BRINP3: variants seen among roughly 807,000 people sequenced by gnomAD.
BRINP3 encodes BMP/retinoic acid inducible neural specific 3, also known as BMP/retinoic acid-inducible neural-specific protein 3.
In BRINP3, 19 loss-of-function variants were observed where a neutral mutation model predicts 71.0. The observed-to-expected ratio is 0.27, with a 90% CI of 0.19 to 0.39. The LOEUF (loss-of-function observed/expected upper bound fraction) is 0.39, where lower values mean the gene tolerates loss of function less well. BRINP3 is among the 10% of genes least tolerant of loss of function. The pLI is 1.00. For missense variants in BRINP3, 959 were observed against 940.8 expected (o/e 1.02, Z -0.25); for synonymous variants, 380 against 337.7 (o/e 1.13, Z -1.37).
intron 6 of BRINP3, among the ~76,000 whole-genome samples, chr1:190,184,886 A>G (rs1653372956): frequency 6.6e-6 from 1 of 152,140 alleles, no homozygotes; most frequent in Admixed American, 6.6e-5. Flanking sequence ...TCTTAATCTA[A>G]AGTAAAAGTA....
intron 2 of BRINP3, among the ~76,000 whole-genome samples, chr1:190,314,316 T>C (rs2103033045): frequency 6.6e-6 from 1 of 152,176 alleles, no homozygotes; most frequent in East Asian, 1.9e-4. Flanking sequence ...ATAATTGCCT[T>C]CCCCAAAATG....
chr1:190,403,837 T>C (rs1672094678), intron 2 of BRINP3, among the ~76,000 whole-genome samples: 1 of 152,202 alleles, frequency 6.6e-6, no homozygotes, highest in Admixed American at 6.5e-5. Context: ...TTCGAATAAC[T>C]TTTCATTCCT....
intron 2 of BRINP3, among the ~76,000 whole-genome samples, chr1:190,404,462 C>T (rs962917913): frequency 1.3e-5 from 2 of 152,032 alleles, no homozygotes; most frequent in East Asian, 1.9e-4. Context: ...ATGCTCACGA[C>T]GTGTTATTTA....
At chr1:190,164,500 A>G (rs1651304427) in intron 6 of BRINP3, among the ~76,000 whole-genome samples, 2 of 152,124 alleles carry the variant, frequency 1.3e-5, no homozygotes, top group Admixed American at 1.3e-4. Flanking sequence ...TACAATTTAT[A>G]TTAATATTGT....
chr1:190,450,860 T>C (rs1675558956), intron 2 of BRINP3, among the ~76,000 whole-genome samples: 1 of 152,176 alleles, frequency 6.6e-6, no homozygotes, highest in African/African-American at 2.4e-5. Flanking sequence ...TTCCCACACA[T>C]GATTTCATTA....
intron 2 of BRINP3, among the ~76,000 whole-genome samples, chr1:190,339,380 C>T (rs536770119): frequency 1.5e-3 from 231 of 152,058 alleles, no homozygotes; most frequent in Non-Finnish European, 2.9e-3. Context: ...ATTGAGAACT[C>T]TTACACATCT....
chr1:190,336,699 C>T (rs1667302969), intron 2 of BRINP3, among the ~76,000 whole-genome samples: 2 of 152,006 alleles, frequency 1.3e-5, no homozygotes, highest in Non-Finnish European at 2.9e-5. Context: ...GCTCTTTCTA[C>T]AGAATCTATG....
intron 2 of BRINP3, among the ~76,000 whole-genome samples, chr1:190,359,176 A>C (rs772980606): frequency 6.6e-6 from 1 of 152,108 alleles, no homozygotes; most frequent in African/African-American, 2.4e-5. Context: ...ATAAAAAAAT[A>C]AAAAATGATA....
chr1:190,097,920 GA>G lies in BRINP3; in HGVS notation c.*97del. The G allele has an allele frequency of 7.6e-7, 1 of 1,313,518 alleles. No homozygotes were observed. Among genetic ancestry groups the G allele is most frequent in the Non-Finnish European group, 1.0e-6 (1 of 960,472 alleles). 81.4% of individuals were successfully genotyped at this position (1,313,518 alleles called of 1,614,324 possible). On this transcript the variant is annotated 3_prime_UTR_variant, in exon 8 of 8. Coordinates refer to ENST00000367462, the MANE Select transcript of BRINP3 (RefSeq NM_199051.3). Reference sequence around the variant, plus strand: ...TATTGACTGATATAAGACAGATATTGAAAAGACAATTTAAATTTACTCTTCC... The same window carrying G: ...TATTGACTGATATAAGACAGATATTGAAAGACAATTTAAATTTACTCTTCC...
intron 1 of BRINP3, among the ~76,000 whole-genome samples, chr1:190,455,607 A>T (rs922450506): frequency 3.9e-5 from 6 of 151,922 alleles, no homozygotes; most frequent in African/African-American, 1.4e-4. Flanking sequence ...CTTTTCCCAG[A>T]TTTTTTTTCA....
chr1:190,349,509 C>A (rs974920560), intron 2 of BRINP3, among the ~76,000 whole-genome samples: 1 of 152,020 alleles, frequency 6.6e-6, no homozygotes, highest in Non-Finnish European at 1.5e-5. Flanking sequence ...TGACAATGTG[C>A]TTTCTATTAG....
chr1:190,357,659 T>C (rs1174268015), intron 2 of BRINP3, among the ~76,000 whole-genome samples: 1 of 152,004 alleles, frequency 6.6e-6, no homozygotes, highest in Non-Finnish European at 1.5e-5. Flanking sequence ...CGGGATCCTT[T>C]ATGGTTCCAT....
rs34343187 is a variant in BRINP3 at position 190,408,019 on chromosome 1, CTT to C, written c.236+46634_236+46635del. Among the ~76,000 whole-genome samples the C allele has an allele frequency of 5.0e-5, 5 of 99,796 alleles. 1 individual carries two copies. The East Asian group carries it at 1.6e-3, about 31-fold the overall frequency. The allele number at this position is 99,796 out of a possible 152,430, so 65.5% of individuals were successfully genotyped here. A position where few individuals can be genotyped will look rare whatever the true frequency, so the allele number is the denominator to read the frequency against. On this transcript the variant is annotated intron_variant, in intron 2 of 7. Transcript: ENST00000367462. Reference sequence around the variant, plus strand: ...GATGTACTTTCTTTTCTACATTTGTCTTTTTTTTTTTTTTTTTTTTGAGATGG... The same window carrying C: ...GATGTACTTTCTTTTCTACATTTGTCTTTTTTTTTTTTTTTTTTGAGATGG...
chr1:190,214,618 T>C (rs887675558), intron 6 of BRINP3, among the ~76,000 whole-genome samples: 1 of 152,010 alleles, frequency 6.6e-6, no homozygotes, highest in African/African-American at 2.4e-5. Flanking sequence ...TGGCTGAAAC[T>C]TTAAGACTTA....
chr1:190,474,398 C>A (rs1348079479), intron 1 of BRINP3: 2 of 152,620 alleles, frequency 1.3e-5, no homozygotes, highest in Non-Finnish European at 2.9e-5. Context: ...AAAATACATT[C>A]ATTCCTTACC....
At chr1:190,192,777 G>T (rs1476806830) in intron 6 of BRINP3, among the ~76,000 whole-genome samples, 1 of 152,012 alleles carries the variant, frequency 6.6e-6, no homozygotes, top group Non-Finnish European at 1.5e-5. Context: ...ATAGAGATTT[G>T]TTTCTGCAAA....
chr1:190,107,014 T>C (rs903937375), intron 7 of BRINP3, among the ~76,000 whole-genome samples: 1 of 151,934 alleles, frequency 6.6e-6, no homozygotes, highest in Non-Finnish European at 1.5e-5. Flanking sequence ...TCATCGTTGT[T>C]GTTCTCAATG....
At chr1:190,179,488 T>C (rs1558039569) in intron 6 of BRINP3, among the ~76,000 whole-genome samples, 1 of 152,162 alleles carries the variant, frequency 6.6e-6, no homozygotes, top group Non-Finnish European at 1.5e-5. Context: ...TCTCTTTTTA[T>C]AGTTTTGTCA....
intron 7 of BRINP3, among the ~76,000 whole-genome samples, chr1:190,113,756 A>G (rs966811277): frequency 2.3e-4 from 35 of 152,224 alleles, no homozygotes; most frequent in African/African-American, 8.4e-4. Context: ...TATTGCAAAC[A>G]TGACAGAACA....
Sources: allele counts gnomAD v4.1 joint callset (sites outside exome capture counted in the v4.1 genomes callset), GRCh38; gene constraint gnomAD v4.1.1; transcripts MANE v1.5; gene names NCBI Gene and HGNC (gene_info 2026-07-23, HGNC 2026-07-21).